Variants in ZNF385B observed in about 807,000 individuals in gnomAD.
The protein encoded by ZNF385B is zinc finger protein 385B.
In ZNF385B, 23 loss-of-function variants were observed where a neutral mutation model predicts 39.2. The ratio of observed to expected loss-of-function variants is 0.59; its 90% CI spans 0.42 to 0.83. The LOEUF is 0.83. Ranked by LOEUF, ZNF385B falls within the 40% of genes least tolerant of loss-of-function variation. ZNF385B has a pLI of 0.00. For missense variants in ZNF385B, 552 were observed against 598.9 expected (o/e 0.92, Z 0.82); for synonymous variants, 205 against 222.6 (o/e 0.92, Z 0.70).
chr2:179,852,635 G>A (rs1345271148), intron 1 of ZNF385B, among the ~76,000 whole-genome samples: 1 of 152,180 alleles, frequency 6.6e-6, no homozygotes, highest in Non-Finnish European at 1.5e-5. Context: ...AATACCCAAT[G>A]AGAGAGCACA....
chr2:179,488,897 T>C (rs1012392160), intron 5 of ZNF385B, among the ~76,000 whole-genome samples: 7 of 152,090 alleles, frequency 4.6e-5, no homozygotes, highest in East Asian at 3.9e-4. Flanking sequence ...ATTTAGTACC[T>C]GCCATGGGCT....
At chr2:179,662,256 T>A (rs926309467) in intron 3 of ZNF385B, among the ~76,000 whole-genome samples, 1 of 152,092 alleles carries the variant, frequency 6.6e-6, no homozygotes, top group Admixed American at 6.5e-5. Context: ...GCAGAAGAAA[T>A]TGCTAATCCT....
intron 3 of ZNF385B, among the ~76,000 whole-genome samples, chr2:179,559,172 A>G (rs900323974): frequency 6.6e-6 from 1 of 152,180 alleles, no homozygotes; most frequent in Non-Finnish European, 1.5e-5. Context: ...AGTAGAGTAG[A>G]GCAAAAACTG....
chr2:179,858,917 G>A (rs1684814431), intron 1 of ZNF385B, among the ~76,000 whole-genome samples: 1 of 152,118 alleles, frequency 6.6e-6, no homozygotes, highest in South Asian at 2.1e-4. Context: ...AATTCAGCTT[G>A]GAAAAAAAGT....
intron 4 of ZNF385B, among the ~76,000 whole-genome samples, chr2:179,520,610 T>G (rs2058417205): frequency 6.6e-6 from 1 of 152,208 alleles, no homozygotes; most frequent in Non-Finnish European, 1.5e-5. Context: ...AATCAGTTTA[T>G]GCAGGCTTAA....
chr2:179,648,554 C>T (rs925251856), intron 3 of ZNF385B, among the ~76,000 whole-genome samples: 28 of 152,194 alleles, frequency 1.8e-4, no homozygotes, highest in African/African-American at 6.5e-4. Context: ...AGCAGCAACA[C>T]CCCCGAAAAC....
chr2:179,572,918 T>G (rs1161175739), intron 3 of ZNF385B, among the ~76,000 whole-genome samples: 1 of 152,182 alleles, frequency 6.6e-6, no homozygotes, highest in Non-Finnish European at 1.5e-5. Context: ...AGGCTCTCAT[T>G]TATAATTCCT....
At chr2:179,458,194 G>A (rs771124539) in intron 6 of ZNF385B, among the ~76,000 whole-genome samples, 1 of 152,172 alleles carries the variant, frequency 6.6e-6, no homozygotes. Context: ...TGTTGTGGGA[G>A]GGACCTAGTG....
At chr2:179,807,403 G>C (rs1254337957) in intron 1 of ZNF385B, among the ~76,000 whole-genome samples, 1 of 151,618 alleles carries the variant, frequency 6.6e-6, no homozygotes, top group Non-Finnish European at 1.5e-5. Flanking sequence ...TTCGAGACCA[G>C]CCTGGCCAAC....
chr2:179,833,229 T>C (rs1183982596), intron 1 of ZNF385B, among the ~76,000 whole-genome samples: 1 of 152,142 alleles, frequency 6.6e-6, no homozygotes, highest in African/African-American at 2.4e-5. Flanking sequence ...TTTCCCCAAA[T>C]GTGCCCATAT....
At chr2:179,552,102 C>A (rs2060611948) in intron 3 of ZNF385B, among the ~76,000 whole-genome samples, 1 of 149,118 alleles carries the variant, frequency 6.7e-6, no homozygotes, top group Non-Finnish European at 1.5e-5. Context: ...ATAATAGGTA[C>A]CTTATTATGT....
intron 3 of ZNF385B, among the ~76,000 whole-genome samples, chr2:179,593,104 AAAATGGATTACTTGCTGTC>A: frequency 6.6e-6 from 1 of 152,324 alleles, no homozygotes; most frequent in Non-Finnish European, 1.5e-5. Flanking sequence ...AATTATGATA[AAAATGGATTACTTGCTGTC>A]AACGGGAATG....
intron 3 of ZNF385B, among the ~76,000 whole-genome samples, chr2:179,676,565 T>C (rs944370538): frequency 5.3e-5 from 8 of 152,182 alleles, no homozygotes; most frequent in African/African-American, 1.9e-4. Flanking sequence ...GAAAAGATCA[T>C]TCTGGCTACA....
intron 3 of ZNF385B, among the ~76,000 whole-genome samples, chr2:179,665,407 G>T (rs1457743506): frequency 6.6e-6 from 1 of 152,142 alleles, no homozygotes; most frequent in East Asian, 1.9e-4. Flanking sequence ...TTACATGCAT[G>T]ATTTTTTTCA....
At chr2:179,483,189 A>C (rs1252880418) in intron 6 of ZNF385B, 83 bp downstream of exon 6, 3 of 1,498,514 alleles carry the variant, frequency 2.0e-6, no homozygotes, top group East Asian at 2.3e-5. Context: ...AGTAACATGC[A>C]ACAACTGAGG....
chr2:179,457,581 G>A (rs552621757), intron 6 of ZNF385B, among the ~76,000 whole-genome samples: 104 of 152,230 alleles, frequency 6.8e-4, no homozygotes, highest in African/African-American at 2.0e-3. Context: ...CATTCTAGTG[G>A]AGGTGTGGTG....
intron 6 of ZNF385B, among the ~76,000 whole-genome samples, chr2:179,468,558 GA>G (rs901605097): frequency 3.3e-5 from 5 of 152,044 alleles, no homozygotes; most frequent in African/African-American, 1.2e-4. Flanking sequence ...GGTGAAATGA[GA>G]AAAGGTTCTT....
intron 3 of ZNF385B, among the ~76,000 whole-genome samples, chr2:179,670,291 CAA>C (rs35600247): frequency 2.0e-5 from 2 of 100,568 alleles, no homozygotes; most frequent in Non-Finnish European, 2.0e-5. Flanking sequence ...GACTCCGTCT[CAA>C]AAAAAAAAAA....
chr2:179,684,408 C>T (rs2106330868), intron 3 of ZNF385B, among the ~76,000 whole-genome samples: 1 of 152,288 alleles, frequency 6.6e-6, no homozygotes, highest in East Asian at 1.9e-4. Context: ...ACAAGAAAGC[C>T]TTAGGTTACC....
Sources: gnomAD v4.1 joint callset for allele counts (sites outside exome capture counted in the v4.1 genomes callset) on GRCh38, gnomAD v4.1.1 for gene constraint, MANE v1.5 for transcripts, NCBI Gene and HGNC (gene_info 2026-07-23, HGNC 2026-07-21) for gene names.